The following ERC1 variants were observed in gnomAD, a reference collection of about 807,000 sequenced individuals.
ERC1 encodes the protein RAB6 interacting protein 2.
In ERC1, 56 loss-of-function variants were observed where a neutral mutation model predicts 132.0. The ratio of observed to expected loss-of-function variants is 0.42; its 90% CI spans 0.34 to 0.53. The LOEUF (loss-of-function observed/expected upper bound fraction) is 0.53. Among genes scored for constraint, ERC1 ranks in the 20% least tolerant of loss-of-function variants. The probability of loss-of-function intolerance (pLI) is 0.03; values close to 1 mark genes in which losing one functional copy is unlikely to be tolerated. For synonymous variants in ERC1, 478 were observed against 476.1 expected (o/e 1.00, Z -0.05); for missense variants, 1,202 against 1,349.9 (o/e 0.89, Z 1.72).
At chr12:1,355,214 A>C (rs1382406071) in intron 15 of ERC1, among the ~76,000 whole-genome samples, 1 of 152,236 alleles carries the variant, frequency 6.6e-6, no homozygotes, top group East Asian at 1.9e-4. Flanking sequence ...TTTGTTCACT[A>C]AAATTTTATT....
intron 12 of ERC1, among the ~76,000 whole-genome samples, chr12:1,217,239 A>G (rs1377051810): frequency 6.6e-6 from 1 of 152,122 alleles, no homozygotes; most frequent in Non-Finnish European, 1.5e-5. Context: ...TTGGTTTTCT[A>G]TTTCTCAGCC....
At chr12:1,067,028 G>A (rs986953623) in intron 2 of ERC1, among the ~76,000 whole-genome samples, 2 of 151,998 alleles carry the variant, frequency 1.3e-5, no homozygotes, top group African/African-American at 4.8e-5. Context: ...GACTGGTCTC[G>A]AACTCTTGGG....
At chr12:1,212,015 C>A (rs1957927354) in intron 12 of ERC1, among the ~76,000 whole-genome samples, 1 of 152,092 alleles carries the variant, frequency 6.6e-6, no homozygotes, top group African/African-American at 2.4e-5. Flanking sequence ...TAAGTTGATT[C>A]TTTCCTACAT....
At position 1,028,390 on chromosome 12, in the gene ERC1, A is replaced by T; in HGVS notation, c.487A>T (p.Arg163Ter). 1 of 1,614,210 alleles carries T rather than the reference A, an allele frequency of 6.2e-7. No individual in the cohort carries two copies. Among genetic ancestry groups the T allele is most frequent in the South Asian group, 1.1e-5 (1 of 91,080 alleles). The change falls in exon 2 of 19, where the codon AGA becomes TGA. Residue 163 changes from arginine (R) to a stop codon, truncating the protein, a stop_gained. Coordinates refer to ENST00000360905, the MANE Select transcript of ERC1 (RefSeq NM_178040.4). LOFTEE classifies it high-confidence loss of function. The part of the protein sequence containing the change: ...DLQTQLKEVL[R>*]ENDLLRKDVE... Reference sequence around the variant, plus strand: ...GCAGACACAGCTGAAGGAAGTATTAAGAGAAAATGATCTCTTGCGGAAGGA... The same window carrying T: ...GCAGACACAGCTGAAGGAAGTATTATGAGAAAATGATCTCTTGCGGAAGGA...
rs186383327 is a variant in ERC1 at position 1,235,564 on chromosome 12, T to C, written c.2352-1205T>C. 2.9e-3 allele frequency among the ~76,000 whole-genome samples: 443 copies of C among 152,296 alleles called. 6 individuals are homozygous for C. The highest frequency in any genetic ancestry group is 0.01 in the African/African-American group (436 of 41,558). Reference sequence around the variant, plus strand: ...TATTTCACAGAAGTGGAAACAGGAATGGCCAAATACTGTATGATAAGATAT... The same window carrying C: ...TATTTCACAGAAGTGGAAACAGGAACGGCCAAATACTGTATGATAAGATAT... On this transcript the variant is annotated intron_variant, in intron 12 of 18. Transcript: ENST00000360905.
intron 2 of ERC1, among the ~76,000 whole-genome samples, chr12:1,037,261 T>A (rs761725718): frequency 2.1e-4 from 32 of 152,212 alleles, no homozygotes; most frequent in Non-Finnish European, 4.0e-4. Context: ...CATAGTGCAG[T>A]GTAGTGTGTG....
chr12:1,213,730 T>TC (rs1958097853), intron 12 of ERC1, among the ~76,000 whole-genome samples: 1 of 128,844 alleles, frequency 7.8e-6, no homozygotes, highest in Non-Finnish European at 1.6e-5. Context: ...ATAGCAAGAC[T>TC]CCATCTCAAA....
intron 18 of ERC1, among the ~76,000 whole-genome samples, chr12:1,455,815 C>T (rs1158539858): frequency 6.6e-6 from 1 of 152,156 alleles, no homozygotes; most frequent in Non-Finnish European, 1.5e-5. Context: ...AGTCCTGCTT[C>T]CTTTGAGAGG....
Position 1,255,621 on chromosome 12 carries a change from C to CTTTTGTTTTTTT in ERC1, c.2488-7409_2488-7408insGTTTTTTTTTTT, listed in dbSNP as rs1566399460. The stretch of plus-strand genomic sequence containing the variant: ...TCTTCAGCATCTGTTGCTTCCTGGC[C>CTTTTGTTTTTTT]TTTTTTTTTTTTTTTTTTTTTTTTT... On this transcript the variant is annotated intron_variant, in intron 13 of 18. Coordinates refer to ENST00000360905, the MANE Select transcript of ERC1 (RefSeq NM_178040.4). Among the ~76,000 whole-genome samples the CTTTTGTTTTTTT allele has an allele frequency of 1.1e-4, 7 of 61,558 alleles. 1 individual carries two copies. Among genetic ancestry groups the CTTTTGTTTTTTT allele is most frequent in the African/African-American group, 4.2e-4 (7 of 16,662 alleles). The allele number at this position is 61,558 out of a possible 152,430, so 40.4% of individuals were successfully genotyped here.
intron 12 of ERC1, among the ~76,000 whole-genome samples, chr12:1,225,590 A>G (rs1379909828): frequency 3.3e-5 from 5 of 152,166 alleles, no homozygotes; most frequent in African/African-American, 7.2e-5. Flanking sequence ...TATGATTTGT[A>G]GGTAAAGTAG....
At chr12:1,178,564 TA>T (rs1954004420) in intron 8 of ERC1, among the ~76,000 whole-genome samples, 1 of 152,174 alleles carries the variant, frequency 6.6e-6, no homozygotes, top group African/African-American at 2.4e-5. Context: ...TTATACATAA[TA>T]TATACATGTA....
At chr12:998,483 G>T (rs1961423393) in intron 1 of ERC1, 1 of 152,210 alleles carries the variant, frequency 6.6e-6, no homozygotes, top group Non-Finnish European at 1.5e-5. Context: ...TGCTGGAGAG[G>T]TGAGTCCCTT....
chr12:1,224,041 CAG>C (rs1331014359), intron 12 of ERC1, among the ~76,000 whole-genome samples: 1 of 152,156 alleles, frequency 6.6e-6, no homozygotes, highest in African/African-American at 2.4e-5. Flanking sequence ...TGTTATGTCT[CAG>C]AATGTTTTTT....
chr12:1,093,981 A>ATATATATATATATATATT (rs1555236298), intron 3 of ERC1, among the ~76,000 whole-genome samples: 1,734 of 131,950 alleles, frequency 0.013, 55 homozygotes, highest in African/African-American at 0.028. Flanking sequence ...ATATATATAT[A>ATATATATATATATATATT]TATAGAAAAA....
chr12:1,303,849 G>C (rs1033320292), intron 15 of ERC1, among the ~76,000 whole-genome samples: 21 of 151,068 alleles, frequency 1.4e-4, no homozygotes, highest in Non-Finnish European at 2.7e-4. Context: ...AGCTACTCAA[G>C]AGGCTGAGGC....
intron 8 of ERC1, among the ~76,000 whole-genome samples, chr12:1,170,974 A>G (rs937688230): frequency 5.3e-5 from 8 of 152,198 alleles, no homozygotes; most frequent in South Asian, 2.1e-4. Flanking sequence ...GAATATTGTT[A>G]TATTTTATAA....
chr12:1,410,535 A>C, intron 17 of ERC1: 124 of 451,766 alleles, frequency 2.7e-4, no homozygotes, highest in Non-Finnish European at 4.3e-4. Context: ...CTCACATCTC[A>C]TTTCTCTGTA....
intron 12 of ERC1, among the ~76,000 whole-genome samples, chr12:1,199,906 T>A (rs558993080): frequency 6.6e-6 from 1 of 151,132 alleles, no homozygotes; most frequent in South Asian, 2.1e-4. Flanking sequence ...ATGAACAGAT[T>A]ACATAACTTT....
At chr12:1,018,876 C>T (rs894898259) in intron 1 of ERC1, among the ~76,000 whole-genome samples, 8 of 152,132 alleles carry the variant, frequency 5.3e-5, no homozygotes, top group African/African-American at 1.9e-4. Context: ...CTAAATTAGA[C>T]TGAGGGGCAT....
Sources: allele counts gnomAD v4.1 joint callset (sites outside exome capture counted in the v4.1 genomes callset), GRCh38; gene constraint gnomAD v4.1.1; transcripts MANE v1.5; gene names NCBI Gene and HGNC (gene_info 2026-07-23, HGNC 2026-07-21).